Variants in SH3GLB2 observed in about 807,000 individuals in gnomAD.
SH3GLB2 encodes endophilin-B2.
Under a neutral mutation model 48.0 loss-of-function variants are expected in SH3GLB2, and 24 were observed. That is an observed-to-expected ratio of 0.50 (90% confidence interval 0.36 to 0.70). SH3GLB2 has a LOEUF of 0.70. Among genes scored for constraint, SH3GLB2 ranks in the 30% least tolerant of loss-of-function variants. SH3GLB2 has a pLI of 0.00. For missense variants in SH3GLB2, 425 were observed against 516.0 expected (o/e 0.82, Z 1.71); for synonymous variants, 227 against 207.6 (o/e 1.09, Z -0.80).
At chr9:129,010,286 T>G (rs1843040710) in intron 7 of SH3GLB2, 77 bp from the exon 8 acceptor site, 3 of 1,271,974 alleles carry the variant, frequency 2.4e-6, no homozygotes, top group Non-Finnish European at 3.4e-6. Context: ...GGAGCCTACC[T>G]GGGAGCCGCC....
At position 129,028,275 on chromosome 9, in the gene SH3GLB2, T is replaced by A; in HGVS notation, c.-121A>T. ...GGCACCAGCCCTCCGCGCACCCGCCTGCCGGCCTGCCCGCCTGCCCGCCCG... is the reference window on the plus strand; with the variant it reads ...GGCACCAGCCCTCCGCGCACCCGCCAGCCGGCCTGCCCGCCTGCCCGCCCG... On this transcript the variant is annotated 5_prime_UTR_variant, in exon 1 of 11. Transcript: ENST00000372564. 1.7e-6 allele frequency: 1 copy of A among 596,330 alleles called. No individual in the cohort carries two copies. Among genetic ancestry groups the A allele is most frequent in the South Asian group, 6.9e-5 (1 of 14,566 alleles). The allele number at this position is 596,330 out of a possible 1,614,324, so 36.9% of individuals were successfully genotyped here.
At chr9:129,023,611 A>C (rs111332759) in intron 1 of SH3GLB2, among the ~76,000 whole-genome samples, 1,991 of 152,064 alleles carry the variant, frequency 0.013, 45 homozygotes, top group African/African-American at 0.046. Context: ...AGGCTGAGCA[A>C]GGGGCAGGGC....
chr9:129,014,498 C>T lies in SH3GLB2; in HGVS notation c.474G>A (p.Glu158=). ...LEGDWKTISK[E]RRLLQNRRLD... is the part of the protein sequence containing the mutation. ...GACGCCGGTTTTGGAGGAGCCGCCT[C>T]TCCTTCTACAGGGCAGGGCATGGGG... is the stretch of plus-strand genomic sequence containing the variant. The change falls in exon 5 of 11, where the codon GAG becomes GAA. Residue 158 remains glutamate (E), a synonymous_variant. Transcript: ENST00000372564. This position sits in a 1 kb window ranked among gnomAD's most constrained non-coding sequence, Gnocchi z 4.1. The T allele has an allele frequency of 6.4e-7, 1 of 1,551,644 alleles. No individual in the cohort carries two copies. The highest frequency in any genetic ancestry group is 1.2e-5 in the South Asian group (1 of 84,102).
At chr9:129,010,289 G>A in intron 7 of SH3GLB2, 80 bp from the exon 8 acceptor site, 1 of 1,223,256 alleles carries the variant, frequency 8.2e-7, no homozygotes, top group South Asian at 1.3e-5. Flanking sequence ...GCCTACCTGG[G>A]AGCCGCCTGT....
At position 129,010,475 on chromosome 9, in the gene SH3GLB2, A is replaced by G. The variant is rs1389948840; in HGVS notation, c.648+195T>C. The G allele has an allele frequency of 4.5e-6, 3 of 665,394 alleles. No homozygotes were observed. The East Asian group carries it at 8.2e-5, about 18-fold the overall frequency. The allele number at this position is 665,394 out of a possible 1,614,324, so 41.2% of individuals were successfully genotyped here. On this transcript the variant is annotated intron_variant, in intron 7 of 10. Coordinates refer to ENST00000372564, the MANE Select transcript of SH3GLB2 (RefSeq NM_020145.4). ...CCCAGCAAGTGCATCCTGAGGGCCT[A>G]CTGTGTGCTACAGGGTACTGTGGAG...
chr9:129,013,397 C>T (rs1843236195), intron 5 of SH3GLB2: 1 of 284,062 alleles, frequency 3.5e-6, no homozygotes, highest in Non-Finnish European at 6.8e-6. Flanking sequence ...GGCTGAGTTA[C>T]TCCAGAGACG....
At chr9:129,010,330 T>A (rs1843043200) in intron 7 of SH3GLB2, 121 bp from the exon 8 acceptor site, 3 of 830,492 alleles carry the variant, frequency 3.6e-6, no homozygotes, top group African/African-American at 3.4e-5. Context: ...GAGAGCCTTC[T>A]GGGTCTATGC....
intron 5 of SH3GLB2, chr9:129,013,117 G>A: frequency 7.0e-7 from 1 of 1,420,512 alleles, no homozygotes; most frequent in Non-Finnish European, 9.7e-7. Flanking sequence ...GCCCCAGTGG[G>A]AGGGGACACC....
intron 3 of SH3GLB2, among the ~76,000 whole-genome samples, chr9:129,018,483 A>C (rs1335760388): frequency 6.6e-6 from 1 of 151,600 alleles, no homozygotes; most frequent in Non-Finnish European, 1.5e-5. Context: ...AGGCTGAGGC[A>C]AGAGAATTGC....
rs1140159 is a variant in SH3GLB2 at position 129,009,262 on chromosome 9, C to T, written c.924G>A (p.Met308Ile). 1.7e-3 allele frequency: 2,720 copies of T among 1,581,728 alleles called. 46 individuals carry two copies. In the African/African-American group the frequency reaches 0.032, roughly 19 times the overall value. ...STSPTTAAAT[M>I]PVVPSVASLA... ...GGCTGGCCACAGAGGGCACCACAGG[C>T]ATAGTGGCCGCAGCAGTGGTGGGTG... Residue 308 changes from methionine (M) to isoleucine (I), a missense_variant, in exon 10 of 11, where the codon ATG becomes ATA. Physicochemically the swap from Met to Ile is conservative, Grantham distance 10. Coordinates refer to ENST00000372564, the MANE Select transcript of SH3GLB2 (RefSeq NM_020145.4).
chr9:129,011,939 TG>T lies in SH3GLB2; in HGVS notation c.624+296del, dbSNP rs935683321. On this transcript the variant is annotated intron_variant, in intron 6 of 10. Transcript: ENST00000372564. This position sits in a 1 kb window ranked among gnomAD's most constrained non-coding sequence, Gnocchi z 4.5. ...GCAGGAGGTGGAGGGGCCCTGGGGA[TG>T]GGACAGCTGCCGCCCTGAGTTCTCC... The T allele has an allele frequency of 2.4e-4, 81 of 342,898 alleles. No individual in the cohort carries two copies. The highest frequency in any genetic ancestry group is 4.0e-4 in the Non-Finnish European group (76 of 190,714). The allele number at this position is 342,898 out of a possible 1,614,324, so 21.2% of individuals were successfully genotyped here.
chr9:129,008,960 T>A, intron 10 of SH3GLB2, 146 bp downstream of exon 10: 1 of 1,402,008 alleles, frequency 7.1e-7, no homozygotes, highest in Non-Finnish European at 9.7e-7. Context: ...GCAAGGATCC[T>A]TTCCTCAGAG....
At chr9:129,026,787 G>A (rs766695512) in intron 1 of SH3GLB2, among the ~76,000 whole-genome samples, 1 of 152,242 alleles carries the variant, frequency 6.6e-6, no homozygotes, top group Non-Finnish European at 1.5e-5. Flanking sequence ...CCCCCTCCCA[G>A]ATGGACTGGG....
At chr9:129,017,090 G>A (rs1378334832) in intron 3 of SH3GLB2, among the ~76,000 whole-genome samples, 1 of 151,634 alleles carries the variant, frequency 6.6e-6, no homozygotes, top group Non-Finnish European at 1.5e-5. Context: ...TGGGACTATA[G>A]GCGCGCACCA....
At chr9:129,027,981 G>A (rs1588346805) in intron 1 of SH3GLB2, 111 bp downstream of exon 1, 9 of 1,014,738 alleles carry the variant, frequency 8.9e-6, no homozygotes, top group Non-Finnish European at 1.2e-5. Flanking sequence ...CGGCGGGGAC[G>A]AGGGCAGCAG....
At chr9:129,023,166 A>AG (rs1432743842) in intron 1 of SH3GLB2, among the ~76,000 whole-genome samples, 1 of 152,134 alleles carries the variant, frequency 6.6e-6, no homozygotes, top group Admixed American at 6.6e-5. Flanking sequence ...ACGTCTGGGA[A>AG]GGAAGGGGAA....
chr9:129,012,689 G>T (rs980383595), intron 5 of SH3GLB2: 5 of 485,116 alleles, frequency 1.0e-5, no homozygotes, highest in Non-Finnish European at 1.8e-5. Context: ...AACTGGGATG[G>T]CTTTTTCCAT....
rs1842917348 is a variant in SH3GLB2 at position 129,008,881 on chromosome 9, A to T, written c.1081-90T>A. On this transcript the variant is annotated intron_variant, in intron 10 of 10. Transcript: ENST00000372564. ...GTGGGGACAGAGCTGCCACCTCCCC[A>T]TGGCCCGTGGCATGTGCTACACCTT... The T allele has an allele frequency of 8.9e-6, 12 of 1,348,766 alleles. 1 individual carries two copies. In the South Asian group the frequency reaches 9.7e-5, roughly 11 times the overall value. The allele number at this position is 1,348,766 out of a possible 1,614,324, so 83.5% of individuals were successfully genotyped here.
chr9:129,027,614 A>C (rs999627529), intron 1 of SH3GLB2, among the ~76,000 whole-genome samples: 1 of 152,094 alleles, frequency 6.6e-6, no homozygotes, highest in Non-Finnish European at 1.5e-5. Context: ...TGACTATCCA[A>C]ACGTGTGAAA....
Sources: allele counts gnomAD v4.1 joint callset (sites outside exome capture counted in the v4.1 genomes callset), GRCh38; gene constraint gnomAD v4.1.1; non-coding constraint Gnocchi (gnomAD v3.1); transcripts MANE v1.5; gene names NCBI Gene and HGNC (gene_info 2026-07-23, HGNC 2026-07-21).